MAST4: variants seen among roughly 807,000 people sequenced by gnomAD.
The protein encoded by MAST4 is microtubule associated serine/threonine kinase family member 4, also known as microtubule-associated serine/threonine-protein kinase 4.
A neutral mutation model predicts 162.7 loss-of-function variants in MAST4; 89 were observed. That is an observed-to-expected ratio of 0.55 (90% CI 0.46 to 0.65). MAST4 has a LOEUF of 0.65. MAST4 is among the 30% of genes least tolerant of loss of function. The pLI is 0.00. For synonymous variants in MAST4, 1,479 were observed against 1,361.1 expected, an observed-to-expected ratio of 1.09 and a Z score of -1.91; for missense variants, 3,153 against 3,374.0, an observed-to-expected ratio of 0.93 and a Z score of 1.62.
rs749167307 is a variant in MAST4, at chr5:67,165,185, T to C, written c.6006T>C (p.Phe2002=). The change falls in exon 29 of 29, where the codon TTT becomes TTC. Residue 2002 remains phenylalanine (F), a synonymous_variant. Transcript: ENST00000403625. ...TCREPSMELC[F]PETAKTSDNS... is the part of the protein sequence containing the mutation. ...GAGAGCCCTCCATGGAACTGTGCTT[T>C]CCAGAAACTGCGAAAACCAGTGACA... is the stretch of plus-strand genomic sequence containing the variant. The C allele has an allele frequency of 5.6e-6, 9 of 1,607,134 alleles. No individual in the cohort carries two copies. In the Admixed American group the frequency reaches 1.4e-4, roughly 24 times the overall value.
intron 2 of MAST4, among the ~76,000 whole-genome samples, chr5:66,763,895 G>A (rs1561314970): frequency 6.6e-6 from 1 of 152,142 alleles, no homozygotes; most frequent in African/African-American, 2.4e-5. Context: ...TTACTGAGGA[G>A]GAGGAAAACA....
intron 1 of MAST4, among the ~76,000 whole-genome samples, chr5:66,623,356 T>C (rs1448861707): frequency 1.3e-5 from 2 of 152,174 alleles, no homozygotes; most frequent in Non-Finnish European, 2.9e-5. Flanking sequence ...AACTACAGGC[T>C]ATAATCCCTG....
At chr5:66,980,524 T>A (rs2150235171) in intron 4 of MAST4, among the ~76,000 whole-genome samples, 1 of 152,328 alleles carries the variant, frequency 6.6e-6, no homozygotes, top group Middle Eastern at 3.4e-3. Context: ...GTTTTGGAGC[T>A]CTATGCCTTG....
chr5:66,682,461 G>A (rs1382596440), intron 1 of MAST4, among the ~76,000 whole-genome samples: 1 of 152,168 alleles, frequency 6.6e-6, no homozygotes, highest in Non-Finnish European at 1.5e-5. Flanking sequence ...GATAAAGATG[G>A]GTTCAGTTGA....
chr5:66,611,467 C>A (rs1000996029), intron 1 of MAST4, among the ~76,000 whole-genome samples: 3 of 152,204 alleles, frequency 2.0e-5, no homozygotes, highest in Admixed American at 6.5e-5. Context: ...AGGGTTAATG[C>A]TGCATTGTGG....
intron 3 of MAST4, among the ~76,000 whole-genome samples, chr5:66,825,114 T>G: frequency 6.6e-6 from 1 of 152,358 alleles, no homozygotes; most frequent in East Asian, 1.9e-4. Flanking sequence ...ATAGACTTTT[T>G]AATTTTAAAA....
At chr5:66,831,301 G>A (rs1408414396) in intron 3 of MAST4, among the ~76,000 whole-genome samples, 3 of 152,144 alleles carry the variant, frequency 2.0e-5, no homozygotes, top group Non-Finnish European at 2.9e-5. Context: ...CATTATGACA[G>A]GCTAATATAG....
intron 5 of MAST4, among the ~76,000 whole-genome samples, chr5:67,077,389 G>C (rs1761784268): frequency 6.6e-6 from 1 of 152,112 alleles, no homozygotes; most frequent in East Asian, 1.9e-4. Flanking sequence ...CCAAGGTTAA[G>C]ATCACTGTTC....
At chr5:66,626,346 C>T (rs896765325) in intron 1 of MAST4, among the ~76,000 whole-genome samples, 1 of 152,142 alleles carries the variant, frequency 6.6e-6, no homozygotes, top group African/African-American at 2.4e-5. Flanking sequence ...AGTTGTACCC[C>T]TTAAATACAC....
Position 66,648,083 on chromosome 5 carries a change from T to TGTGA in MAST4, c.363+51066_363+51067insTGAG, listed in dbSNP as rs1229070126. ...GTGTGTGTGTGTGTGTGTGTGTGTG[T>TGTGA]GAGAGAGAGAGAGAGAGAGAGATTT... On this transcript the variant is annotated intron_variant, in intron 1 of 28. Coordinates refer to ENST00000403625, the MANE Select transcript of MAST4 (RefSeq NM_001164664.2). Among the ~76,000 whole-genome samples the TGTGA allele has an allele frequency of 5.0e-3, 437 of 87,038 alleles. 2 individuals carry two copies. The highest frequency in any genetic ancestry group is 0.024 in the East Asian group (70 of 2,918). The allele number at this position is 87,038 out of a possible 152,430, so 57.1% of individuals were successfully genotyped here. A position where few individuals can be genotyped will look rare whatever the true frequency, so the allele number is the denominator to read the frequency against.
chr5:66,867,779 T>C (rs1760637314), intron 3 of MAST4, among the ~76,000 whole-genome samples: 1 of 152,258 alleles, frequency 6.6e-6, no homozygotes, highest in African/African-American at 2.4e-5. Flanking sequence ...CCTATTTGCA[T>C]ATGTAAATAA....
intron 1 of MAST4, among the ~76,000 whole-genome samples, chr5:66,671,389 G>A (rs944099230): frequency 8.5e-5 from 13 of 152,104 alleles, no homozygotes; most frequent in African/African-American, 3.1e-4. Context: ...AGGGTAAAAG[G>A]GAACCTACCA....
At chr5:66,710,500 T>C (rs1433056046) in intron 1 of MAST4, among the ~76,000 whole-genome samples, 2 of 152,212 alleles carry the variant, frequency 1.3e-5, no homozygotes, top group East Asian at 1.9e-4. Context: ...AGACGCACGT[T>C]ACATCTTCCG....
At chr5:67,077,483 A>G (rs946316890) in intron 5 of MAST4, among the ~76,000 whole-genome samples, 7 of 152,214 alleles carry the variant, frequency 4.6e-5, no homozygotes, top group African/African-American at 1.7e-4. Context: ...CAGGTGACGA[A>G]TCACCTGGAG....
At position 67,095,383 on chromosome 5, in the gene MAST4, C is replaced by T. The variant is rs143110486; in HGVS notation, c.834-214C>T. 6.6e-5 allele frequency among the ~76,000 whole-genome samples: 10 copies of T among 152,244 alleles called. No individual in the cohort carries two copies. In the East Asian group the frequency reaches 1.9e-3, roughly 29 times the overall value. ...GAGACATCAATAATATGGATCAACC[C>T]ATTCCCTTTCTACTTGTTTGGTTGT... On this transcript the variant is annotated intron_variant, in intron 6 of 28. Coordinates refer to ENST00000403625, the MANE Select transcript of MAST4 (RefSeq NM_001164664.2).
At position 67,160,557 on chromosome 5, in the gene MAST4, G is replaced by A. The variant is rs564172499; in HGVS notation, c.3750G>A (p.Arg1250=). Residue 1250 remains arginine (R), a synonymous_variant, in exon 27 of 29, where the codon CGG becomes CGA. Transcript: ENST00000403625. ...GCTATAAGAGCCGGATGGTGAGGCG[G>A]AGCAAGAAATCCAAGAAGAAAGAAA... The part of the protein sequence containing the change: ...RNSYKSRMVR[R]SKKSKKKESL... The A allele has an allele frequency of 2.0e-5, 32 of 1,613,614 alleles. No homozygotes were observed. In the East Asian group the frequency reaches 5.8e-4, roughly 29 times the overall value.
intron 1 of MAST4, among the ~76,000 whole-genome samples, chr5:66,720,272 A>G (rs531957246): frequency 6.6e-6 from 1 of 152,226 alleles, no homozygotes; most frequent in East Asian, 1.9e-4. Flanking sequence ...GACTTCTGTA[A>G]AAAATGAAAT....
chr5:66,694,616 A>T (rs1295368961), intron 1 of MAST4, among the ~76,000 whole-genome samples: 1 of 151,956 alleles, frequency 6.6e-6, no homozygotes, highest in African/African-American at 2.4e-5. Flanking sequence ...CCTCCTGAGT[A>T]GCTGGGACTA....
At chr5:66,608,385 T>TG (rs1743045957) in intron 1 of MAST4, among the ~76,000 whole-genome samples, 1 of 133,046 alleles carries the variant, frequency 7.5e-6, no homozygotes, top group Non-Finnish European at 1.6e-5. Context: ...TTTTTTTTTT[T>TG]TGATGGCGAG....
Sources: allele counts gnomAD v4.1 joint callset (sites outside exome capture counted in the v4.1 genomes callset), GRCh38; gene constraint gnomAD v4.1.1; transcripts MANE v1.5; gene names NCBI Gene and HGNC (gene_info 2026-07-23, HGNC 2026-07-21).